The following FREM3 variants were observed in gnomAD, a reference collection of about 807,000 sequenced individuals.
FREM3 encodes the protein FRAS1 related extracellular matrix 3.
A neutral mutation model predicts 129.1 loss-of-function variants in FREM3; 105 were observed. The observed-to-expected ratio is 0.81, with a 90% CI of 0.69 to 0.96. The LOEUF (loss-of-function observed/expected upper bound fraction) is 0.96, where lower values mean the gene tolerates loss of function less well. Ranked by LOEUF, FREM3 falls within the 40% of genes least tolerant of loss-of-function variation. FREM3 has a pLI of 0.00. For missense variants in FREM3, 2,593 were observed against 2,666.3 expected (o/e 0.97, Z 0.61); for synonymous variants, 1,014 against 1,044.9 (o/e 0.97, Z 0.57).
intron 5 of FREM3, among the ~76,000 whole-genome samples, chr4:143,616,079 T>G (rs757846789): frequency 2.2e-4 from 34 of 152,234 alleles, no homozygotes; most frequent in Non-Finnish European, 7.3e-5. Context: ...CAAATACATG[T>G]AAGATTTTAG....
intron 2 of FREM3, among the ~76,000 whole-genome samples, chr4:143,676,560 T>C (rs142752114): frequency 0.075 from 11,414 of 151,894 alleles, 1,146 homozygotes; most frequent in African/African-American, 0.22. Flanking sequence ...GGCAGGAGAA[T>C]GAAATAAAGG....
chr4:143,697,241 T>C lies in FREM3; in HGVS notation c.3435A>G (p.Gln1145=), dbSNP rs545098377. 2 of 1,537,624 alleles carry C rather than the reference T, an allele frequency of 1.3e-6. No individual in the cohort carries two copies. The highest frequency in any genetic ancestry group is 1.2e-5 in the South Asian group (1 of 84,050). The change falls in exon 1 of 8, where the codon CAA becomes CAG. Residue 1145 remains glutamine, a synonymous_variant. Coordinates refer to ENST00000329798, the MANE Select transcript of FREM3 (RefSeq NM_001168235.2). ...PISAFSLRDI[Q]VRHINYVQSI... ...TCTGTACATAATTGATATGCCTCAC[T>C]TGGATATCTCTGAGGGAGAAAGCAC...
Position 143,627,766 on chromosome 4 carries a change from A to T in FREM3, c.5276-6T>A, listed in dbSNP as rs951813252. 16 of 1,532,598 alleles carry T rather than the reference A, an allele frequency of 1.0e-5. No individual in the cohort carries two copies. Among genetic ancestry groups the T allele is most frequent in the Non-Finnish European group, 1.3e-5 (15 of 1,143,200 alleles). The allele number at this position is 1,532,598 out of a possible 1,614,324, so 94.9% of individuals were successfully genotyped here. A position where few individuals can be genotyped will look rare whatever the true frequency, so the allele number is the denominator to read the frequency against. ...ATTTGTTAGTTTATTTCCTCCTGCA[A>T]TTGATAGGGGCAAAGGAAAAGTCAG... On this transcript the variant is annotated splice_polypyrimidine_tract_variant and splice_region_variant and intron_variant, in intron 2 of 7. Coordinates refer to ENST00000329798, the MANE Select transcript of FREM3 (RefSeq NM_001168235.2).
intron 4 of FREM3, among the ~76,000 whole-genome samples, chr4:143,621,542 CTAAT>C (rs1738951800): frequency 6.6e-6 from 1 of 152,130 alleles, no homozygotes; most frequent in African/African-American, 2.4e-5. Flanking sequence ...ATCAAGTAAT[CTAAT>C]TCATTAATGA....
chr4:143,688,910 A>G (rs924118831), intron 2 of FREM3, among the ~76,000 whole-genome samples: 2 of 152,222 alleles, frequency 1.3e-5, no homozygotes, highest in Non-Finnish European at 2.9e-5. Flanking sequence ...TAAGACCTGA[A>G]ACTATAAAAA....
rs542360996 is a variant in FREM3, at chr4:143,587,170, G to A, written c.6029-1177C>T. Among the ~76,000 whole-genome samples the A allele has an allele frequency of 6.6e-5, 10 of 152,296 alleles. No individual in the cohort carries two copies. In the South Asian group the frequency reaches 2.1e-3, roughly 32 times the overall value. ...TACACTGAACACAGCATGCATTTGT[G>A]AGCCTCCATCTTTGTTGATGATGTT... On this transcript the variant is annotated intron_variant, in intron 6 of 7. Coordinates refer to ENST00000329798, the MANE Select transcript of FREM3 (RefSeq NM_001168235.2).
intron 2 of FREM3, among the ~76,000 whole-genome samples, chr4:143,637,814 G>C (rs1739259036): frequency 6.6e-6 from 1 of 152,134 alleles, no homozygotes; most frequent in African/African-American, 2.4e-5. Context: ...CCGCAGAGAT[G>C]CCACTCACAG....
chr4:143,679,304 C>T (rs1306405822), intron 2 of FREM3, among the ~76,000 whole-genome samples: 2 of 152,120 alleles, frequency 1.3e-5, no homozygotes, highest in Non-Finnish European at 2.9e-5. Flanking sequence ...CCTTACCATT[C>T]TCTCATTCGT....
chr4:143,672,920 C>T (rs558630354), intron 2 of FREM3, among the ~76,000 whole-genome samples: 3 of 152,192 alleles, frequency 2.0e-5, no homozygotes, highest in Non-Finnish European at 4.4e-5. Flanking sequence ...ACATGGTTCT[C>T]GTGCTATGGT....
intron 2 of FREM3, among the ~76,000 whole-genome samples, chr4:143,692,629 G>C (rs1254150871): frequency 1.3e-5 from 2 of 152,090 alleles, no homozygotes; most frequent in East Asian, 3.9e-4. Context: ...TTTTAAGTAA[G>C]CTTTCCTCTA....
intron 3 of FREM3, among the ~76,000 whole-genome samples, chr4:143,626,296 T>C (rs929640336): frequency 6.6e-6 from 1 of 152,180 alleles, no homozygotes; most frequent in Non-Finnish European, 1.5e-5. Flanking sequence ...CTTATAAAGC[T>C]GAAATCTACT....
chr4:143,699,584 G>A lies in FREM3; in HGVS notation c.1092C>T (p.Val364=). 6.5e-7 allele frequency: 1 copy of A among 1,534,640 alleles called. No homozygotes were observed. Among genetic ancestry groups the A allele is most frequent in the Non-Finnish European group, 8.7e-7 (1 of 1,145,386 alleles). ...PGHPGQQGYV[V]STDDPLGLPV... is the part of the protein sequence containing the mutation. The stretch of plus-strand genomic sequence containing the variant: ...GAAGCCCTAGAGGGTCGTCGGTGCT[G>A]ACCACGTAGCCCTGTTGCCCCGGGT... Residue 364 remains valine (V), a synonymous_variant, in exon 1 of 8, where the codon GTC becomes GTT. Coordinates refer to ENST00000329798, the MANE Select transcript of FREM3 (RefSeq NM_001168235.2). This position sits in a 1 kb window ranked among gnomAD's most constrained non-coding sequence, Gnocchi z 4.2.
chr4:143,640,856 A>G (rs1739310540), intron 2 of FREM3, among the ~76,000 whole-genome samples: 1 of 152,188 alleles, frequency 6.6e-6, no homozygotes, highest in East Asian at 1.9e-4. Context: ...CTTTAAAAAA[A>G]TGATAAAAAT....
In FREM3 at chr4:143,695,989, C is replaced by T; in HGVS notation, c.4687G>A (p.Glu1563Lys). The T allele has an allele frequency of 6.5e-7, 1 of 1,537,856 alleles. No homozygotes were observed. Among genetic ancestry groups the T allele is most frequent in the Non-Finnish European group, 8.7e-7 (1 of 1,147,046 alleles). The change falls in exon 1 of 8, where the codon GAA becomes AAA. Residue 1563 changes from glutamate to lysine, a missense_variant. This residue lies in a region of FREM3 where 2,276 missense variants were observed against 2,267.2 expected (regional missense o/e 1.00). Coordinates refer to ENST00000329798, the MANE Select transcript of FREM3 (RefSeq NM_001168235.2). ...QLITLLELTV[E>K]DSDTPDDLIL... ...AGGTCATCTGGGGTATCACTGTCTT[C>T]CACTGTCAACTCAAGGAGAGTGATC...
In FREM3 at chr4:143,637,514, GC is replaced by G. The variant is rs569868325; in HGVS notation, c.5276-9755del. ...GTCCAGTTCCATTTCTCAGGCTTTTGCTTAATTCACTTCTATTTATTCAACT... is the reference window on the plus strand; with the variant it reads ...GTCCAGTTCCATTTCTCAGGCTTTTGTTAATTCACTTCTATTTATTCAACT... On this transcript the variant is annotated intron_variant, in intron 2 of 7. Transcript: ENST00000329798. Among the ~76,000 whole-genome samples the G allele has an allele frequency of 1.1e-4, 17 of 152,108 alleles. No homozygotes were observed. The East Asian group carries it at 3.3e-3, about 29-fold the overall frequency.
rs1192880009 is a variant in FREM3, at chr4:143,696,738, T to C, written c.3938A>G (p.Asn1313Ser). Residue 1313 changes from asparagine to serine, a missense_variant, in exon 1 of 8, where the codon AAT becomes AGT. Transcript: ENST00000329798. Reference sequence around the variant, plus strand: ...GTGTCCTTTCTCTACCTTCAGCCCATTGTTGACAGTCAGGTGAGGAGTTTC... The same window carrying C: ...GTGTCCTTTCTCTACCTTCAGCCCACTGTTGACAGTCAGGTGAGGAGTTTC... Reference protein sequence around the residue: ...DDETPHLTVNNGLKVEKGHSE... With the variant: ...DDETPHLTVNSGLKVEKGHSE... 22 of 1,537,766 alleles carry C rather than the reference T, an allele frequency of 1.4e-5. No homozygotes were observed. Among genetic ancestry groups the C allele is most frequent in the African/African-American group, 5.5e-5 (4 of 73,016 alleles).
intron 2 of FREM3, among the ~76,000 whole-genome samples, chr4:143,652,720 C>T (rs418220): frequency 3.3e-5 from 5 of 152,200 alleles, no homozygotes; most frequent in Non-Finnish European, 7.3e-5. Flanking sequence ...ACCTCCACCT[C>T]TTGGGCTTAA....
intron 2 of FREM3, among the ~76,000 whole-genome samples, chr4:143,673,262 G>A (rs553318475): frequency 5.3e-5 from 8 of 152,270 alleles, no homozygotes; most frequent in African/African-American, 1.7e-4. Flanking sequence ...ACGTACAGAC[G>A]GGGTTTTGGT....
intron 5 of FREM3, among the ~76,000 whole-genome samples, chr4:143,619,771 C>T (rs1417189234): frequency 6.6e-6 from 1 of 152,018 alleles, no homozygotes; most frequent in Non-Finnish European, 1.5e-5. Flanking sequence ...CTGGGGACCT[C>T]AAGGCCCTAC....
Sources: allele counts gnomAD v4.1 joint callset (sites outside exome capture counted in the v4.1 genomes callset), GRCh38; gene constraint gnomAD v4.1.1; regional missense constraint gnomAD v4.1.1; non-coding constraint Gnocchi (gnomAD v3.1); transcripts MANE v1.5; gene names NCBI Gene and HGNC (gene_info 2026-07-23, HGNC 2026-07-21).